DSTN: variants seen among roughly 807,000 people sequenced by gnomAD.
DSTN encodes the protein destrin, actin depolymerizing factor.
Under a neutral mutation model 16.8 loss-of-function variants are expected in DSTN, and 10 were observed. That is an observed-to-expected ratio of 0.60 (90% confidence interval 0.37 to 1.01). The LOEUF is 1.01. DSTN is among the 50% of genes least tolerant of loss of function. DSTN has a pLI of 0.01. For synonymous variants in DSTN, 57 were observed against 58.9 expected (o/e 0.97, Z 0.14); for missense variants, 141 against 196.7 (o/e 0.72, Z 1.69).
At position 17,583,745 on chromosome 20, in the gene DSTN, T is replaced by TTTTTTC. The variant is rs1482008332; in HGVS notation, c.3+13539_3+13540insCTTTTT. Among the ~76,000 whole-genome samples, 13 of 121,410 alleles carry TTTTTTC rather than the reference T, an allele frequency of 1.1e-4. 3 individuals carry two copies. Among genetic ancestry groups the TTTTTTC allele is most frequent in the Non-Finnish European group, 1.7e-4 (10 of 58,616 alleles). 79.6% of individuals were successfully genotyped at this position (121,410 alleles called of 152,430 possible). A position where few individuals can be genotyped will look rare whatever the true frequency, so the allele number is the denominator to read the frequency against. ...ATGGGTTTGGAGTTTCTTTTTTTTT[T>TTTTTTC]TTTTTTTTTTTTTGAGACAAGGTCT... On this transcript the variant is annotated intron_variant, in intron 1 of 3. Transcript: ENST00000246069.
chr20:17,597,901 G>T (rs2093246), intron 1 of DSTN, among the ~76,000 whole-genome samples: 58,870 of 152,072 alleles, frequency 0.39, 12,263 homozygotes, highest in East Asian at 0.64. Context: ...ACTGTCTGTT[G>T]ATTTTACCCA....
chr20:17,591,343 T>G (rs1447064213), intron 1 of DSTN, among the ~76,000 whole-genome samples: 2 of 30,498 alleles, frequency 6.6e-5, no homozygotes, highest in Non-Finnish European at 1.4e-4. Flanking sequence ...ATAATTGGGT[T>G]TTTTTTTTTT....
At chr20:17,580,847 A>G (rs2035335608) in intron 1 of DSTN, among the ~76,000 whole-genome samples, 1 of 152,202 alleles carries the variant, frequency 6.6e-6, no homozygotes, top group South Asian at 2.1e-4. Flanking sequence ...GGCAATAAAG[A>G]GCTAGCTATG....
chr20:17,579,563 A>AC (rs1386515848), intron 1 of DSTN, among the ~76,000 whole-genome samples: 1 of 152,232 alleles, frequency 6.6e-6, no homozygotes, highest in Non-Finnish European at 1.5e-5. Context: ...AGCCTGGACG[A>AC]CAGAGCAAGA....
At chr20:17,598,474 AT>A (rs1351930775) in intron 1 of DSTN, among the ~76,000 whole-genome samples, 1 of 152,078 alleles carries the variant, frequency 6.6e-6, no homozygotes, top group Non-Finnish European at 1.5e-5. Flanking sequence ...GATGTTGAGC[AT>A]TTTTTCCACG....
At chr20:17,575,787 C>G (rs1357687175) in intron 1 of DSTN, among the ~76,000 whole-genome samples, 1 of 152,206 alleles carries the variant, frequency 6.6e-6, no homozygotes, top group Non-Finnish European at 1.5e-5. Context: ...TTTGGCCTCT[C>G]AAAGTGCTGG....
At chr20:17,570,645 C>T (rs1035527578) in intron 1 of DSTN, among the ~76,000 whole-genome samples, 1 of 152,166 alleles carries the variant, frequency 6.6e-6, no homozygotes, top group Non-Finnish European at 1.5e-5. Context: ...CCAGAGCTGG[C>T]GCTGAGGCGC....
In DSTN at chr20:17,609,810, AAT is replaced by A. The variant is rs2035680307; in HGVS notation, c.*2665_*2666del. 4 of 151,854 alleles carry A rather than the reference AAT, an allele frequency of 2.6e-5. No individual in the cohort carries two copies. The South Asian group carries it at 8.3e-4, about 32-fold the overall frequency. The allele number at this position is 151,854 out of a possible 1,614,324, so 9.4% of individuals were successfully genotyped here. On this transcript the variant is annotated 3_prime_UTR_variant, in exon 4 of 4. Coordinates refer to ENST00000246069, the MANE Select transcript of DSTN (RefSeq NM_006870.4). ...CAGAAAATACGTTTACCTCTTCACAAATGCTAACACACTGCAAAAATATGTTT... is the reference window on the plus strand; with the variant it reads ...CAGAAAATACGTTTACCTCTTCACAAGCTAACACACTGCAAAAATATGTTT...
chr20:17,574,871 T>TG (rs1491539066), intron 1 of DSTN, among the ~76,000 whole-genome samples: 5 of 8,952 alleles, frequency 5.6e-4, no homozygotes, highest in Admixed American at 1.7e-3. Flanking sequence ...TTTTCTTTTG[T>TG]TTTTTTTTTT....
At position 17,607,154 on chromosome 20, in the gene DSTN, A is replaced by C; in HGVS notation, c.*8A>C. 3 of 1,606,308 alleles carry C rather than the reference A, an allele frequency of 1.9e-6. No individual in the cohort carries two copies. Among genetic ancestry groups the C allele is most frequent in the Non-Finnish European group, 2.5e-6 (3 of 1,177,280 alleles). ...GAAGGATGCCCTGTGTAGATTATTC[A>C]GTGCCACAAATTGAAAGCTTCCATG... On this transcript the variant is annotated 3_prime_UTR_variant, in exon 4 of 4. Transcript: ENST00000246069.
At chr20:17,575,202 G>T (rs1160969059) in intron 1 of DSTN, among the ~76,000 whole-genome samples, 1 of 151,852 alleles carries the variant, frequency 6.6e-6, no homozygotes, top group East Asian at 1.9e-4. Flanking sequence ...TTAGTATACA[G>T]GAAGACTTCA....
In DSTN at chr20:17,591,960, A is replaced by AC. The variant is rs930537807; in HGVS notation, c.4-8777dup. 39 of 985,450 alleles carry AC rather than the reference A, an allele frequency of 4.0e-5. No individual in the cohort carries two copies. The African/African-American group carries it at 6.5e-4, about 16-fold the overall frequency. The allele number at this position is 985,450 out of a possible 1,614,324, so 61.0% of individuals were successfully genotyped here. ...TTCAGTTCACCCACTAGAGGCAAAG[A>AC]CGTAAGAGAGCTACCAGCGTATTGA... On this transcript the variant is annotated intron_variant, in intron 1 of 3. Coordinates refer to ENST00000246069, the MANE Select transcript of DSTN (RefSeq NM_006870.4).
rs370020456 is a variant in DSTN, at chr20:17,580,483, C to G, written c.3+10272C>G. On this transcript the variant is annotated intron_variant, in intron 1 of 3. Transcript: ENST00000246069. ...AGTACTAAGGCCAGGCGTGGTGACT[C>G]ATGCTTGTAATCCAGCACTTTGTGA... Among the ~76,000 whole-genome samples, 27 of 152,256 alleles carry G rather than the reference C, an allele frequency of 1.8e-4. No individual in the cohort carries two copies. The East Asian group carries it at 3.9e-3, about 22-fold the overall frequency.
intron 1 of DSTN, among the ~76,000 whole-genome samples, chr20:17,580,403 A>G (rs1177496918): frequency 6.6e-6 from 1 of 152,162 alleles, no homozygotes; most frequent in Non-Finnish European, 1.5e-5. Context: ...CAAAAAAGAC[A>G]AGATCATTTC....
Position 17,609,759 on chromosome 20 carries a change from A to G in DSTN, c.*2613A>G, listed in dbSNP as rs1315217292. On this transcript the variant is annotated 3_prime_UTR_variant, in exon 4 of 4. Coordinates refer to ENST00000246069, the MANE Select transcript of DSTN (RefSeq NM_006870.4). ...CTGATTGGTCTACTGTTGGTCAGGAACAAAACTGCAAGTATACTCTGTTTC... is the reference window on the plus strand; with the variant it reads ...CTGATTGGTCTACTGTTGGTCAGGAGCAAAACTGCAAGTATACTCTGTTTC... 6.6e-6 allele frequency: 1 copy of G among 152,234 alleles called. No individual in the cohort carries two copies. Among genetic ancestry groups the G allele is most frequent in the Non-Finnish European group, 1.5e-5 (1 of 68,052 alleles). 9.4% of individuals were successfully genotyped at this position (152,234 alleles called of 1,614,324 possible).
rs191784872 is a variant in DSTN at position 17,583,073 on chromosome 20, T to C, written c.3+12862T>C. ...AGCTGTTTCTCTAAAGATGTGCAAA[T>C]GACTAATAAGCCAATGGAAAAAAAT... On this transcript the variant is annotated intron_variant, in intron 1 of 3. Coordinates refer to ENST00000246069, the MANE Select transcript of DSTN (RefSeq NM_006870.4). 2.6e-5 allele frequency among the ~76,000 whole-genome samples: 4 copies of C among 152,302 alleles called. No homozygotes were observed. The East Asian group carries it at 7.7e-4, about 29-fold the overall frequency.
rs539873585 is a variant in DSTN at position 17,597,439 on chromosome 20, A to G, written c.4-3299A>G. 4.6e-5 allele frequency among the ~76,000 whole-genome samples: 7 copies of G among 152,318 alleles called. No individual in the cohort carries two copies. In the South Asian group the frequency reaches 8.3e-4, roughly 18 times the overall value. On this transcript the variant is annotated intron_variant, in intron 1 of 3. Coordinates refer to ENST00000246069, the MANE Select transcript of DSTN (RefSeq NM_006870.4). ...TGTATCTTTCTCCCAGGATTCTTGCATGTGTTTTAAAGTGACAACTTTATT... is the reference window on the plus strand; with the variant it reads ...TGTATCTTTCTCCCAGGATTCTTGCGTGTGTTTTAAAGTGACAACTTTATT...
chr20:17,601,094 A>G, intron 2 of DSTN, 49 bp downstream of exon 2: 1 of 1,520,782 alleles, frequency 6.6e-7, no homozygotes, highest in African/African-American at 1.4e-5. Flanking sequence ...TTTTGTTAGC[A>G]CTCGGGAAGA....
chr20:17,570,542 T>C (rs2035188945), intron 1 of DSTN, among the ~76,000 whole-genome samples: 1 of 151,944 alleles, frequency 6.6e-6, no homozygotes, highest in African/African-American at 2.4e-5. Context: ...ACCCGCTCTG[T>C]GAAATCCATC....
Sources: allele counts gnomAD v4.1 joint callset (sites outside exome capture counted in the v4.1 genomes callset), GRCh38; gene constraint gnomAD v4.1.1; transcripts MANE v1.5; gene names NCBI Gene and HGNC (gene_info 2026-07-23, HGNC 2026-07-21).